The following ANKRD7 variants were observed in gnomAD, a reference collection of about 807,000 sequenced individuals.
ANKRD7 encodes the protein ankyrin repeat domain-containing protein 7.
ANKRD7 carries 30 observed loss-of-function variants against 30.8 expected under a neutral mutation model. That is an observed-to-expected ratio of 0.97 (90% confidence interval 0.73 to 1.32). ANKRD7 has a LOEUF of 1.32. ANKRD7 is among the 40% of genes most tolerant of loss of function. The probability of loss-of-function intolerance (pLI) is 0.00; values close to 1 mark genes in which losing one functional copy is unlikely to be tolerated. For synonymous variants in ANKRD7, 97 were observed against 106.6 expected (o/e 0.91, Z 0.55); for missense variants, 264 against 295.7 (o/e 0.89, Z 0.79).
chr7:118,236,193 G>T, intron 4 of ANKRD7, 46 bp downstream of exon 4: 4 of 1,074,386 alleles, frequency 3.7e-6, no homozygotes, highest in East Asian at 2.8e-5. Context: ...CTACCTGATA[G>T]GATTGTGTGT....
chr7:118,240,151 TTTTA>T lies in ANKRD7; in HGVS notation c.*37+176_*37+179del, dbSNP rs374989049. Reference sequence around the variant, plus strand: ...TCAAATATTTTTAAGAACTATTCTTTTTTATTTATTTATTTATTTATTTATTATA... The same window carrying T: ...TCAAATATTTTTAAGAACTATTCTTTTTTATTTATTTATTTATTTATTATA... On this transcript the variant is annotated intron_variant, in intron 6 of 6. Transcript: ENST00000265224. Among the ~76,000 whole-genome samples the T allele has an allele frequency of 3.5e-3, 531 of 152,064 alleles. 6 individuals are homozygous for T. Among genetic ancestry groups the T allele is most frequent in the African/African-American group, 0.011 (449 of 41,530 alleles).
chr7:118,235,669 CA>C (rs1809716838), intron 3 of ANKRD7, among the ~76,000 whole-genome samples: 1 of 150,116 alleles, frequency 6.7e-6, no homozygotes, highest in African/African-American at 2.5e-5. Context: ...TGTCCACAGC[CA>C]AAATAAGTGC....
intron 5 of ANKRD7, 24 bp downstream of exon 5, chr7:118,236,950 A>C: frequency 6.2e-7 from 1 of 1,611,664 alleles, no homozygotes; most frequent in Non-Finnish European, 8.5e-7. Context: ...CATGTCTTTT[A>C]ACAACTGTAT....
At chr7:118,241,878 T>G (rs117056259) in intron 6 of ANKRD7, among the ~76,000 whole-genome samples, 1 of 152,248 alleles carries the variant, frequency 6.6e-6, no homozygotes, top group Non-Finnish European at 1.5e-5. Flanking sequence ...TTTCCTCTTC[T>G]CCTGCACCTC....
intron 1 of ANKRD7, among the ~76,000 whole-genome samples, chr7:118,230,915 A>C (rs914670479): frequency 6.6e-6 from 1 of 152,152 alleles, no homozygotes; most frequent in Admixed American, 6.5e-5. Flanking sequence ...TTAATGGCCT[A>C]ATGGAAGTGA....
intron 1 of ANKRD7, among the ~76,000 whole-genome samples, chr7:118,226,584 T>C (rs1809545498): frequency 6.6e-6 from 1 of 152,206 alleles, no homozygotes. Context: ...TACTGTTAAG[T>C]TGAAGTGGAT....
chr7:118,242,334 T>C lies in ANKRD7; in HGVS notation c.*38-15T>C, dbSNP rs1286522488. On this transcript the variant is annotated splice_polypyrimidine_tract_variant and intron_variant, in intron 6 of 6. Coordinates refer to ENST00000265224, the MANE Select transcript of ANKRD7 (RefSeq NM_019644.4). The stretch of plus-strand genomic sequence containing the variant: ...GACGTAAGTGAAGACATTATAAATA[T>C]CATTTGTTTCCTAGATATGGAACCC... The C allele has an allele frequency of 6.6e-6, 1 of 152,214 alleles. No individual in the cohort carries two copies. The highest frequency in any genetic ancestry group is 2.4e-5 in the African/African-American group (1 of 41,460). 9.4% of individuals were successfully genotyped at this position (152,214 alleles called of 1,614,324 possible). A position where few individuals can be genotyped will look rare whatever the true frequency, so the allele number is the denominator to read the frequency against.
chr7:118,241,017 G>C (rs897845425), intron 6 of ANKRD7, among the ~76,000 whole-genome samples: 13 of 149,730 alleles, frequency 8.7e-5, no homozygotes, highest in African/African-American at 2.9e-4. Flanking sequence ...AGCCGGGCGC[G>C]GTGGCGGGCG....
intron 5 of ANKRD7, 116 bp downstream of exon 5, chr7:118,237,042 A>G (rs1242219966): frequency 1.8e-6 from 2 of 1,082,978 alleles, no homozygotes; most frequent in Non-Finnish European, 2.7e-6. Context: ...ACCACATACA[A>G]ATCTGTGCAG....
rs199567784 is a variant in ANKRD7, at chr7:118,236,016, A to G, written c.469-25A>G. 2.1e-5 allele frequency: 27 copies of G among 1,272,592 alleles called. No homozygotes were observed. The African/African-American group carries it at 3.7e-4, about 18-fold the overall frequency. The allele number at this position is 1,272,592 out of a possible 1,614,324, so 78.8% of individuals were successfully genotyped here. On this transcript the variant is annotated intron_variant, in intron 3 of 6. Transcript: ENST00000265224. ...GCATGAAAATTTGCTACAATATTTT[A>G]ATCATTTTTAAATATTTTTTTCAGG...
chr7:118,237,239 C>CAA (rs1465151154), intron 5 of ANKRD7, among the ~76,000 whole-genome samples: 1 of 152,174 alleles, frequency 6.6e-6, no homozygotes, highest in Non-Finnish European at 1.5e-5. Context: ...TTCATTCACA[C>CAA]AAAGCCTTTC....
intron 1 of ANKRD7, among the ~76,000 whole-genome samples, chr7:118,231,703 C>G (rs1182306837): frequency 6.6e-6 from 1 of 152,050 alleles, no homozygotes; most frequent in African/African-American, 2.4e-5. Context: ...CTCAGTCATC[C>G]CTTTTGCTAA....
Position 118,234,532 on chromosome 7 carries a change from C to T in ANKRD7, c.281C>T (p.Ser94Phe). The change falls in exon 2 of 7, where the codon TCC becomes TTC. Residue 94 changes from serine (S) to phenylalanine (F), a missense_variant. Coordinates refer to ENST00000265224, the MANE Select transcript of ANKRD7 (RefSeq NM_019644.4). ...AATGTCCGGGATAGTGAAAACAAATCCCCATTGATTAAGGTATGCCATAGT... is the reference window on the plus strand; with the variant it reads ...AATGTCCGGGATAGTGAAAACAAATTCCCATTGATTAAGGTATGCCATAGT... ...KINVRDSENK[S>F]PLIKAVQCQN... 5 of 1,609,638 alleles carry T rather than the reference C, an allele frequency of 3.1e-6. No homozygotes were observed. The highest frequency in any genetic ancestry group is 4.2e-6 in the Non-Finnish European group (5 of 1,177,998).
At chr7:118,225,541 T>G (rs1263889570) in intron 1 of ANKRD7, among the ~76,000 whole-genome samples, 1 of 151,716 alleles carries the variant, frequency 6.6e-6, no homozygotes, top group Non-Finnish European at 1.5e-5. Context: ...CCTGAATCCA[T>G]CCTCTCCTCT....
chr7:118,228,495 T>A (rs1174515502), intron 1 of ANKRD7, among the ~76,000 whole-genome samples: 6 of 152,180 alleles, frequency 3.9e-5, no homozygotes, highest in Non-Finnish European at 8.8e-5. Context: ...ATCAACTGGC[T>A]TGCAAAATTC....
In ANKRD7 at chr7:118,234,533, C is replaced by A; in HGVS notation, c.282C>A (p.Ser94=). The change falls in exon 2 of 7, where the codon TCC becomes TCA. Residue 94 remains serine (S), a synonymous_variant. Transcript: ENST00000265224. The part of the protein sequence containing the change: ...KINVRDSENK[S]PLIKAVQCQN... ...ATGTCCGGGATAGTGAAAACAAATC[C>A]CCATTGATTAAGGTATGCCATAGTT... is the stretch of plus-strand genomic sequence containing the variant. 6.2e-7 allele frequency: 1 copy of A among 1,609,394 alleles called. No homozygotes were observed. Among genetic ancestry groups the A allele is most frequent in the South Asian group, 1.1e-5 (1 of 89,928 alleles).
chr7:118,225,946 A>C (rs1464001333), intron 1 of ANKRD7, among the ~76,000 whole-genome samples: 2 of 152,224 alleles, frequency 1.3e-5, no homozygotes, highest in Non-Finnish European at 2.9e-5. Context: ...AATATGATGA[A>C]TAAGCCGTAC....
At chr7:118,239,277 A>T (rs1809783013) in intron 5 of ANKRD7, among the ~76,000 whole-genome samples, 1 of 152,104 alleles carries the variant, frequency 6.6e-6, no homozygotes, top group Non-Finnish European at 1.5e-5. Flanking sequence ...CCTCTTGTGA[A>T]CCGCTTTGCA....
At chr7:118,240,383 A>G (rs975877574) in intron 6 of ANKRD7, among the ~76,000 whole-genome samples, 17 of 151,932 alleles carry the variant, frequency 1.1e-4, no homozygotes, top group African/African-American at 3.6e-4. Context: ...TCATTGTTCA[A>G]TTCCCACCTA....
Sources: allele counts gnomAD v4.1 joint callset (sites outside exome capture counted in the v4.1 genomes callset), GRCh38; gene constraint gnomAD v4.1.1; transcripts MANE v1.5; gene names NCBI Gene and HGNC (gene_info 2026-07-23, HGNC 2026-07-21).